MGST1: variants seen among roughly 807,000 people sequenced by gnomAD.
The protein encoded by MGST1 is glutathione S-transferase 12.
Under a neutral mutation model 8.9 loss-of-function variants are expected in MGST1, and 5 were observed. The ratio of observed to expected loss-of-function variants is 0.56; its 90% confidence interval spans 0.29 to 1.19. The LOEUF is 1.19. Ranked by LOEUF, MGST1 falls within the 50% of genes most tolerant of loss-of-function variation. The probability of loss-of-function intolerance (pLI) is 0.08; values close to 1 mark genes in which losing one functional copy is unlikely to be tolerated. For missense variants in MGST1, 182 were observed against 187.4 expected (o/e 0.97, Z 0.17); for synonymous variants, 54 against 67.8 (o/e 0.80, Z 1.00).
intron 4 of MGST1, among the ~76,000 whole-genome samples, chr12:16,535,020 A>C (rs903581303): frequency 6.6e-6 from 1 of 152,160 alleles, no homozygotes; most frequent in African/African-American, 2.4e-5. Context: ...ATCCCAGCTC[A>C]TGACACTGAG....
chr12:16,583,946 T>C (rs1943242454), intron 4 of MGST1, among the ~76,000 whole-genome samples: 1 of 152,180 alleles, frequency 6.6e-6, no homozygotes, highest in African/African-American at 2.4e-5. Flanking sequence ...TCAGTGCTAT[T>C]ACAAGTGAAA....
At position 16,427,011 on chromosome 12, in the gene MGST1, C is replaced by A. The variant is rs542985302; in HGVS notation, n.779-10377C>A. Among the ~76,000 whole-genome samples, 3 of 149,460 alleles carry A rather than the reference C, an allele frequency of 2.0e-5. No individual in the cohort carries two copies. The East Asian group carries it at 5.9e-4, about 29-fold the overall frequency. ...AAGCTGAACAAAACAGAATTATATTCATTCATTAATTGAATAAATATTTAT... is the reference window on the plus strand; with the variant it reads ...AAGCTGAACAAAACAGAATTATATTAATTCATTAATTGAATAAATATTTAT... On this transcript the variant is annotated intron_variant and non_coding_transcript_variant, in intron 1 of 1. Transcript: ENST00000359720.
Position 16,401,097 on chromosome 12 carries a change from C to G in MGST1, n.778+17493C>G. ...AAAGGTCCTCTGCCTCATCTTTCTC[C>G]TCCTCCTCCTTTTCCTCATCTTCGT... On this transcript the variant is annotated intron_variant and non_coding_transcript_variant, in intron 1 of 1. Transcript: ENST00000359720. This position sits in a 1 kb window ranked among gnomAD's most constrained non-coding sequence, Gnocchi z 4.3. 1 of 1,588,184 alleles carries G rather than the reference C, an allele frequency of 6.3e-7. No homozygotes were observed. The highest frequency in any genetic ancestry group is 8.6e-7 in the Non-Finnish European group (1 of 1,157,018).
rs534665765 is a variant in MGST1, at chr12:16,506,236, C to G, written n.483-83292C>G. Among the ~76,000 whole-genome samples the G allele has an allele frequency of 3.3e-5, 5 of 152,192 alleles. No homozygotes were observed. In the South Asian group the frequency reaches 1.0e-3, roughly 32 times the overall value. On this transcript the variant is annotated intron_variant and non_coding_transcript_variant, in intron 4 of 4. Transcript: ENST00000538857. Reference sequence around the variant, plus strand: ...AACATGCGCCCTCATTCCCTGAACCCGATTCCAACAGTGACATGAAGGGGA... The same window carrying G: ...AACATGCGCCCTCATTCCCTGAACCGGATTCCAACAGTGACATGAAGGGGA...
intron 4 of MGST1, among the ~76,000 whole-genome samples, chr12:16,570,974 G>A (rs1942793083): frequency 6.6e-6 from 1 of 152,010 alleles, no homozygotes; most frequent in Non-Finnish European, 1.5e-5. Context: ...CATGGCACAT[G>A]TATACATATG....
intron 1 of MGST1, among the ~76,000 whole-genome samples, chr12:16,353,102 T>C (rs1370884284): frequency 6.6e-6 from 1 of 152,084 alleles, no homozygotes; most frequent in East Asian, 1.9e-4. Context: ...GGTGCCATCT[T>C]GGCTCACTGC....
chr12:16,582,088 T>C lies in MGST1; in HGVS notation n.483-7440T>C, dbSNP rs923621946. On this transcript the variant is annotated intron_variant and non_coding_transcript_variant, in intron 4 of 4. Coordinates refer to the MGST1 transcript ENST00000538857. The surrounding 1 kb of genome is among the most constrained non-coding windows in gnomAD (Gnocchi z 4.1). Reference sequence around the variant, plus strand: ...TTTTCTTGGCTTTAATGGAAATTACTTTAGTATTTAGCTGTTTTATAAATT... The same window carrying C: ...TTTTCTTGGCTTTAATGGAAATTACCTTAGTATTTAGCTGTTTTATAAATT... 6.6e-6 allele frequency among the ~76,000 whole-genome samples: 1 copy of C among 152,168 alleles called. No individual in the cohort carries two copies. The highest frequency in any genetic ancestry group is 2.4e-5 in the African/African-American group (1 of 41,446).
At chr12:16,534,882 T>G (rs988495424) in intron 4 of MGST1, among the ~76,000 whole-genome samples, 15 of 152,278 alleles carry the variant, frequency 9.9e-5, no homozygotes, top group Admixed American at 9.2e-4. Context: ...GGCTGCCATA[T>G]CCTGAACACT....
intron 4 of MGST1, among the ~76,000 whole-genome samples, chr12:16,457,960 A>G (rs1261208544): frequency 6.6e-6 from 1 of 152,024 alleles, no homozygotes; most frequent in African/African-American, 2.4e-5. Flanking sequence ...TTTCAGTTCT[A>G]TAAATTAATT....
At chr12:16,372,938 T>C (rs925651206) in intron 3 of MGST1, among the ~76,000 whole-genome samples, 3 of 141,878 alleles carry the variant, frequency 2.1e-5, no homozygotes, top group African/African-American at 8.0e-5. Flanking sequence ...TTGTATATTT[T>C]ATATTATATA....
intron 2 of MGST1, among the ~76,000 whole-genome samples, chr12:16,355,515 A>C (rs1468972440): frequency 6.6e-6 from 1 of 152,120 alleles, no homozygotes; most frequent in Non-Finnish European, 1.5e-5. Flanking sequence ...ATTTTGAGGT[A>C]TAATGGAAGG....
At chr12:16,433,785 G>T (rs1480637881) in intron 1 of MGST1, among the ~76,000 whole-genome samples, 1 of 151,814 alleles carries the variant, frequency 6.6e-6, no homozygotes, top group Non-Finnish European at 1.5e-5. Flanking sequence ...CCAATCCAAG[G>T]CAATCTCAAT....
rs1037384683 is a variant in MGST1 at position 16,551,125 on chromosome 12, A to G, written n.483-38403A>G. 3.9e-5 allele frequency: 31 copies of G among 802,744 alleles called. No homozygotes were observed. The East Asian group carries it at 6.6e-4, about 17-fold the overall frequency. The allele number at this position is 802,744 out of a possible 1,614,324, so 49.7% of individuals were successfully genotyped here. A position where few individuals can be genotyped will look rare whatever the true frequency, so the allele number is the denominator to read the frequency against. On this transcript the variant is annotated intron_variant and non_coding_transcript_variant, in intron 4 of 4. Coordinates refer to the MGST1 transcript ENST00000538857. ...CATCCTGCCTTCCTATATCTACGCTATTCAGTAGGTTCCTGTGTCAATTCT... is the reference window on the plus strand; with the variant it reads ...CATCCTGCCTTCCTATATCTACGCTGTTCAGTAGGTTCCTGTGTCAATTCT...
At chr12:16,382,668 T>C (rs1364155717), upstream of MGST1, among the ~76,000 whole-genome samples, 1 of 152,210 alleles carries the variant, frequency 6.6e-6, no homozygotes, top group Non-Finnish European at 1.5e-5. Flanking sequence ...TTCAAAGCTG[T>C]CAGACAGGGA....
intron 4 of MGST1, among the ~76,000 whole-genome samples, chr12:16,516,039 G>A (rs909773531): frequency 6.6e-6 from 1 of 151,922 alleles, no homozygotes; most frequent in Admixed American, 6.6e-5. Flanking sequence ...GCCACCCCAT[G>A]CCCTGCAAAA....
Position 16,586,802 on chromosome 12 carries a change from C to A in MGST1, n.483-2726C>A, listed in dbSNP as rs1943337624. On this transcript the variant is annotated intron_variant and non_coding_transcript_variant, in intron 4 of 4. Transcript: ENST00000538857. The surrounding 1 kb of genome is among the most constrained non-coding windows in gnomAD (Gnocchi z 4.3). ...TGCATTACTTTTGTAACCTTTCTCCCAAAGGAACATGTAAGCCATACACAG... is the reference window on the plus strand; with the variant it reads ...TGCATTACTTTTGTAACCTTTCTCCAAAAGGAACATGTAAGCCATACACAG... 6.6e-6 allele frequency among the ~76,000 whole-genome samples: 1 copy of A among 152,100 alleles called. No homozygotes were observed. The highest frequency in any genetic ancestry group is 1.5e-5 in the Non-Finnish European group (1 of 68,026).
At chr12:16,465,442 C>T (rs768966800) in intron 4 of MGST1, among the ~76,000 whole-genome samples, 7 of 152,138 alleles carry the variant, frequency 4.6e-5, no homozygotes, top group Non-Finnish European at 8.8e-5. Context: ...CTGTTAGGAA[C>T]TGGATCGCAT....
intron 4 of MGST1, among the ~76,000 whole-genome samples, chr12:16,505,606 T>C (rs1354480501): frequency 1.3e-5 from 2 of 152,232 alleles, no homozygotes; most frequent in African/African-American, 4.8e-5. Flanking sequence ...AATCATTTCC[T>C]AGTTATCTGC....
At chr12:16,400,245 G>T in intron 1 of MGST1, 1 of 845,950 alleles carries the variant, frequency 1.2e-6, no homozygotes, top group South Asian at 1.4e-5. Flanking sequence ...TCCCAAACAT[G>T]ATGGCATTCT....
Sources: allele counts gnomAD v4.1 joint callset (sites outside exome capture counted in the v4.1 genomes callset), GRCh38; gene constraint gnomAD v4.1.1; non-coding constraint Gnocchi (gnomAD v3.1); transcripts MANE v1.5; gene names NCBI Gene and HGNC (gene_info 2026-07-23, HGNC 2026-07-21).